The following NIM1K variants were observed in gnomAD, a reference collection of about 807,000 sequenced individuals.
NIM1K encodes the protein NIM1 serine/threonine protein kinase.
Under a neutral mutation model 37.1 loss-of-function variants are expected in NIM1K, and 35 were observed. The observed-to-expected ratio is 0.94, with a 90% CI of 0.72 to 1.25. NIM1K has a LOEUF of 1.25. Among genes scored for constraint, NIM1K ranks in the 50% most tolerant of loss-of-function variants. The pLI is 0.00. For missense variants in NIM1K, 564 were observed against 548.0 expected (o/e 1.03, Z -0.29); for synonymous variants, 234 against 206.6 (o/e 1.13, Z -1.14).
intron 1 of NIM1K, chr5:43,193,588 A>G (rs1193474980): frequency 6.6e-6 from 1 of 152,140 alleles, no homozygotes; most frequent in Non-Finnish European, 1.5e-5. Context: ...GCGGGAATCC[A>G]AAAGGGAAAC....
At chr5:43,253,021 A>G (rs1160065675) in intron 2 of NIM1K, among the ~76,000 whole-genome samples, 1 of 144,540 alleles carries the variant, frequency 6.9e-6, no homozygotes, top group African/African-American at 2.6e-5. Flanking sequence ...TTCATTGCCC[A>G]GGCTGGAGTG....
At chr5:43,265,481 G>A (rs1423607182) in intron 2 of NIM1K, among the ~76,000 whole-genome samples, 1 of 152,098 alleles carries the variant, frequency 6.6e-6, no homozygotes, top group Non-Finnish European at 1.5e-5. Flanking sequence ...GTCATTTAAG[G>A]TCTTCTCTAT....
At chr5:43,249,850 GTTTTT>G (rs70994677) in intron 2 of NIM1K, among the ~76,000 whole-genome samples, 6 of 116,164 alleles carry the variant, frequency 5.2e-5, no homozygotes, top group African/African-American at 2.0e-4. Context: ...GTATGGATTA[GTTTTT>G]TTTTTTTTTT....
At chr5:43,231,793 C>G in intron 1 of NIM1K, 1 of 1,216,582 alleles carries the variant, frequency 8.2e-7, no homozygotes, top group Non-Finnish European at 1.1e-6. Flanking sequence ...AAAAGCAGCA[C>G]CTTTGTGACG....
chr5:43,223,141 A>G (rs1175156556), intron 1 of NIM1K, among the ~76,000 whole-genome samples: 1 of 18,070 alleles, frequency 5.5e-5, no homozygotes, highest in Admixed American at 3.9e-4. Flanking sequence ...TCCATCTCAA[A>G]AAAAAAAAAA....
intron 1 of NIM1K, among the ~76,000 whole-genome samples, chr5:43,233,630 A>G (rs1481664389): frequency 6.6e-6 from 1 of 152,198 alleles, no homozygotes; most frequent in Non-Finnish European, 1.5e-5. Context: ...TCTAACACCC[A>G]CTAAGGGCAT....
intron 1 of NIM1K, chr5:43,232,764 C>T: frequency 8.6e-7 from 1 of 1,159,362 alleles, no homozygotes; most frequent in South Asian, 1.4e-5. Flanking sequence ...TGTGGAAAAA[C>T]AAGAAGCCTT....
intron 3 of NIM1K, 58 bp from the exon 4 acceptor site, chr5:43,279,922 A>G: frequency 7.1e-7 from 1 of 1,407,018 alleles, no homozygotes; most frequent in East Asian, 2.3e-5. Context: ...CAACTGATAC[A>G]TTTTTTATTT....
rs775634866 is a variant in NIM1K at position 43,277,140 on chromosome 5, G to A, written c.376G>A (p.Glu126Lys). 1 of 1,614,164 alleles carries A rather than the reference G, an allele frequency of 6.2e-7. No individual in the cohort carries two copies. The highest frequency in any genetic ancestry group is 8.5e-7 in the Non-Finnish European group (1 of 1,180,004). The change falls in exon 3 of 4, where the codon GAA becomes AAA. Residue 126 changes from glutamate (E) to lysine (K), a missense_variant. Transcript: ENST00000326035. ...RLLSREISSM[E>K]KLHHPNIIRL... is the part of the protein sequence containing the mutation. ...ACTATCCCGAGAAATCTCCAGCATG[G>A]AAAAGCTGCACCATCCCAACATCAT... is the stretch of plus-strand genomic sequence containing the variant.
chr5:43,266,061 A>T (rs1004761383), intron 2 of NIM1K, among the ~76,000 whole-genome samples: 1 of 152,220 alleles, frequency 6.6e-6, no homozygotes, highest in African/African-American at 2.4e-5. Flanking sequence ...CAGGCTACTC[A>T]GGGGTCAGGG....
In NIM1K at chr5:43,204,326, C is replaced by A. The variant is rs181031206; in HGVS notation, c.-695+11915C>A. On this transcript the variant is annotated intron_variant, in intron 1 of 3. Coordinates refer to ENST00000326035, the MANE Select transcript of NIM1K (RefSeq NM_153361.4). ...CTCGAACTCCTGACCTCAAGTGATTCGCCCACCTCAGCCTCCCAAAGTGCT... is the reference window on the plus strand; with the variant it reads ...CTCGAACTCCTGACCTCAAGTGATTAGCCCACCTCAGCCTCCCAAAGTGCT... Among the ~76,000 whole-genome samples, 1,020 of 150,668 alleles carry A rather than the reference C, an allele frequency of 6.8e-3. 6 individuals carry two copies. Among genetic ancestry groups the A allele is most frequent in the Middle Eastern group, 0.034 (10 of 290 alleles).
rs1297552209 is a variant in NIM1K at position 43,268,019 on chromosome 5, A to G, written c.293-9038A>G. On this transcript the variant is annotated intron_variant, in intron 2 of 3. Transcript: ENST00000326035. ...GTTTCTTTGTTGACTTTCTGCCTCG[A>G]TGATCTGTCTAGTGCTGTCAGTGGG... is the stretch of plus-strand genomic sequence containing the variant. Among the ~76,000 whole-genome samples, 3 of 152,158 alleles carry G rather than the reference A, an allele frequency of 2.0e-5. No homozygotes were observed. The East Asian group carries it at 5.8e-4, about 29-fold the overall frequency.
intron 2 of NIM1K, among the ~76,000 whole-genome samples, chr5:43,249,964 T>A (rs1310461004): frequency 6.7e-6 from 1 of 148,306 alleles, no homozygotes; most frequent in Non-Finnish European, 1.5e-5. Flanking sequence ...GCCGTTCTCC[T>A]GCCTCAACCT....
At position 43,196,350 on chromosome 5, in the gene NIM1K, T is replaced by C. The variant is rs1193237460; in HGVS notation, c.-695+3939T>C. 3.3e-5 allele frequency among the ~76,000 whole-genome samples: 5 copies of C among 152,268 alleles called. No individual in the cohort carries two copies. The East Asian group carries it at 9.6e-4, about 29-fold the overall frequency. On this transcript the variant is annotated intron_variant, in intron 1 of 3. Coordinates refer to ENST00000326035, the MANE Select transcript of NIM1K (RefSeq NM_153361.4). The stretch of plus-strand genomic sequence containing the variant: ...AGTATATTAAAAGCTTATAACTGGC[T>C]GGGCGCGGTGGCTTACGCCTGTAAT...
At chr5:43,203,388 T>C (rs1263466656) in intron 1 of NIM1K, among the ~76,000 whole-genome samples, 2 of 152,240 alleles carry the variant, frequency 1.3e-5, no homozygotes, top group Admixed American at 6.5e-5. Flanking sequence ...TCACCGAGTT[T>C]TGGCCAATGA....
At chr5:43,246,165 C>T (rs1752776898) in intron 2 of NIM1K, 98 bp downstream of exon 2, 1 of 1,038,864 alleles carries the variant, frequency 9.6e-7, no homozygotes, top group Non-Finnish European at 1.4e-6. Flanking sequence ...GTAAAGTGAC[C>T]TCAGCAGAGC....
In NIM1K at chr5:43,278,246, T is replaced by C. The variant is rs570348371; in HGVS notation, c.561+921T>C. Among the ~76,000 whole-genome samples, 13 of 152,292 alleles carry C rather than the reference T, an allele frequency of 8.5e-5. No individual in the cohort carries two copies. The South Asian group carries it at 2.7e-3, about 32-fold the overall frequency. On this transcript the variant is annotated intron_variant, in intron 3 of 3. Coordinates refer to ENST00000326035, the MANE Select transcript of NIM1K (RefSeq NM_153361.4). ...TTTTAATAGAGATGAGGTTTCACCA[T>C]GTTTGTCAGGCTTGTCTTGAACTCC...
intron 2 of NIM1K, among the ~76,000 whole-genome samples, chr5:43,249,033 G>A (rs915950229): frequency 2.0e-5 from 3 of 148,830 alleles, no homozygotes; most frequent in Non-Finnish European, 4.4e-5. Context: ...CACCTTGCCC[G>A]GCTAGTTTAT....
rs1199091111 is a variant in NIM1K, at chr5:43,280,123, C to T, written c.705C>T (p.Pro235=). The change falls in exon 4 of 4, where the codon CCC becomes CCT. Residue 235 remains proline, a synonymous_variant. Coordinates refer to ENST00000326035, the MANE Select transcript of NIM1K (RefSeq NM_153361.4). The part of the protein sequence containing the change: ...EMLNTFCGSP[P]YAAPELFRDE... ...TGAACACTTTCTGTGGGTCTCCTCCCTACGCTGCGCCTGAACTCTTCCGGG... is the reference window on the plus strand; with the variant it reads ...TGAACACTTTCTGTGGGTCTCCTCCTTACGCTGCGCCTGAACTCTTCCGGG... 1 of 1,614,194 alleles carries T rather than the reference C, an allele frequency of 6.2e-7. No homozygotes were observed. The highest frequency in any genetic ancestry group is 1.1e-5 in the South Asian group (1 of 91,082).
Sources: gnomAD v4.1 joint callset for allele counts (sites outside exome capture counted in the v4.1 genomes callset) on GRCh38, gnomAD v4.1.1 for gene constraint, MANE v1.5 for transcripts, NCBI Gene and HGNC (gene_info 2026-07-23, HGNC 2026-07-21) for gene names.